Variants in STAG1 observed in about 807,000 individuals in gnomAD.
STAG1 encodes the protein cohesin subunit SA-1.
In STAG1, 26 loss-of-function variants were observed where a neutral mutation model predicts 170.9. The observed-to-expected ratio is 0.15, with a 90% CI of 0.11 to 0.21. STAG1 has a LOEUF of 0.21. Ranked by LOEUF, STAG1 falls within the 10% of genes least tolerant of loss-of-function variation. STAG1 has a pLI of 1.00. For synonymous variants in STAG1, 514 were observed against 497.7 expected (o/e 1.03, Z -0.44); for missense variants, 964 against 1,509.5 (o/e 0.64, Z 5.99).
At chr3:136,633,138 T>A (rs1352343042) in intron 1 of STAG1, among the ~76,000 whole-genome samples, 1 of 152,160 alleles carries the variant, frequency 6.6e-6, no homozygotes, top group Non-Finnish European at 1.5e-5. Flanking sequence ...ATTCAAAATG[T>A]CCATTTTTTT....
At chr3:136,481,116 G>A (rs2107829085) in intron 9 of STAG1, among the ~76,000 whole-genome samples, 1 of 27,300 alleles carries the variant, frequency 3.7e-5, no homozygotes, top group Non-Finnish European at 6.9e-5. Flanking sequence ...CCAACACTAT[G>A]TTGAATAGGA....
At chr3:136,631,263 C>G (rs932632253) in intron 1 of STAG1, among the ~76,000 whole-genome samples, 2 of 152,138 alleles carry the variant, frequency 1.3e-5, no homozygotes, top group Admixed American at 6.6e-5. Flanking sequence ...CTTGAAAAGG[C>G]ATGAAAGAAC....
At chr3:136,697,951 G>T (rs1300265792) in intron 1 of STAG1, among the ~76,000 whole-genome samples, 1 of 151,828 alleles carries the variant, frequency 6.6e-6, no homozygotes, top group African/African-American at 2.4e-5. Flanking sequence ...GATGTCCACA[G>T]CCATATTTTA....
chr3:136,718,385 T>C (rs1932990749), intron 1 of STAG1, among the ~76,000 whole-genome samples: 1 of 152,224 alleles, frequency 6.6e-6, no homozygotes. Context: ...TAATAATTAA[T>C]AATACATTTT....
At chr3:136,406,943 A>G (rs2087501638) in intron 21 of STAG1, among the ~76,000 whole-genome samples, 1 of 152,244 alleles carries the variant, frequency 6.6e-6, no homozygotes, top group African/African-American at 2.4e-5. Context: ...CTTACATATA[A>G]ATTCCAAATA....
At chr3:136,434,056 T>C (rs1341277113) in intron 15 of STAG1, among the ~76,000 whole-genome samples, 1 of 152,164 alleles carries the variant, frequency 6.6e-6, no homozygotes, top group Non-Finnish European at 1.5e-5. Flanking sequence ...ACATAATAAT[T>C]ATCTTAATAA....
chr3:136,630,829 T>G (rs1415566794), intron 2 of STAG1, 41 bp downstream of exon 2: 9 of 1,416,216 alleles, frequency 6.4e-6, no homozygotes, highest in Non-Finnish European at 8.7e-6. Context: ...GTCCAAAATT[T>G]TCCTTAAAAA....
intron 1 of STAG1, among the ~76,000 whole-genome samples, chr3:136,642,024 C>T (rs914401850): frequency 2.6e-5 from 4 of 152,070 alleles, no homozygotes; most frequent in African/African-American, 7.2e-5. Flanking sequence ...ACCAAATGAC[C>T]TTCCAACTTT....
At chr3:136,461,369 G>T (rs904544394) in intron 13 of STAG1, among the ~76,000 whole-genome samples, 1 of 152,080 alleles carries the variant, frequency 6.6e-6, no homozygotes, top group Non-Finnish European at 1.5e-5. Flanking sequence ...ATCCAAATTG[G>T]AAAGAAGTCA....
Position 136,444,902 on chromosome 3 carries a change from G to A in STAG1, c.1429-1498C>T, listed in dbSNP as rs569242798. Among the ~76,000 whole-genome samples the A allele has an allele frequency of 1.3e-3, 196 of 152,050 alleles. 1 individual carries two copies. The highest frequency in any genetic ancestry group is 4.0e-3 in the African/African-American group (165 of 41,474). On this transcript the variant is annotated intron_variant, in intron 14 of 33. Transcript: ENST00000383202. The stretch of plus-strand genomic sequence containing the variant: ...TGGAGACAGGGTCTCACAGTGTTGC[G>A]CAGCCTGGAGTGCACTGGCACAATC...
chr3:136,654,394 G>A (rs1941308212), intron 1 of STAG1, among the ~76,000 whole-genome samples: 1 of 152,106 alleles, frequency 6.6e-6, no homozygotes, highest in South Asian at 2.1e-4. Context: ...ATTTATAACA[G>A]CATCTAAAGC....
At chr3:136,723,943 C>A (rs1467169741) in intron 1 of STAG1, among the ~76,000 whole-genome samples, 11 of 149,760 alleles carry the variant, frequency 7.3e-5, no homozygotes, top group Non-Finnish European at 1.2e-4. Flanking sequence ...GGGGTCAGCC[C>A]CCCGCCAGGC....
intron 3 of STAG1, among the ~76,000 whole-genome samples, chr3:136,618,160 A>G (rs1320042890): frequency 6.6e-6 from 1 of 151,792 alleles, no homozygotes; most frequent in Non-Finnish European, 1.5e-5. Context: ...ACTCATTCCA[A>G]TCACCTGCTC....
chr3:136,416,176 T>G (rs2087766880), intron 21 of STAG1, among the ~76,000 whole-genome samples: 1 of 152,082 alleles, frequency 6.6e-6, no homozygotes, highest in Non-Finnish European at 1.5e-5. Context: ...CCTGGCTAAT[T>G]TTTGTATTTT....
intron 16 of STAG1, among the ~76,000 whole-genome samples, chr3:136,431,899 GTTTAT>G (rs770541775): frequency 1.1e-4 from 17 of 152,192 alleles, no homozygotes; most frequent in South Asian, 6.2e-4. Context: ...GAACTTTTGT[GTTTAT>G]TTTATTTGGA....
chr3:136,553,198 T>C (rs889001702), intron 5 of STAG1, among the ~76,000 whole-genome samples: 2 of 152,134 alleles, frequency 1.3e-5, no homozygotes, highest in African/African-American at 2.4e-5. Flanking sequence ...GCTTAAGGGA[T>C]TGGCATAGAT....
chr3:136,744,469 A>G (rs1426143143), intron 1 of STAG1, among the ~76,000 whole-genome samples: 1 of 152,214 alleles, frequency 6.6e-6, no homozygotes, highest in Admixed American at 6.5e-5. Flanking sequence ...ACTGCTGACA[A>G]AAGTGAGAAT....
chr3:136,516,489 CAG>C (rs1934386891), intron 7 of STAG1, among the ~76,000 whole-genome samples: 1 of 151,856 alleles, frequency 6.6e-6, no homozygotes, highest in African/African-American at 2.4e-5. Flanking sequence ...GCCTGGGCAA[CAG>C]AGTGAGAATC....
At chr3:136,374,406 T>C (rs924078632) in intron 23 of STAG1, among the ~76,000 whole-genome samples, 4 of 152,148 alleles carry the variant, frequency 2.6e-5, no homozygotes, top group Non-Finnish European at 2.9e-5. Context: ...TCACCTGAGG[T>C]TGGGAATTCG....
Sources: allele counts gnomAD v4.1 joint callset (sites outside exome capture counted in the v4.1 genomes callset), GRCh38; gene constraint gnomAD v4.1.1; transcripts MANE v1.5; gene names NCBI Gene and HGNC (gene_info 2026-07-23, HGNC 2026-07-21).